The following CHRNE variants were observed in gnomAD, a reference collection of about 807,000 sequenced individuals.
The protein encoded by CHRNE is acetylcholine receptor subunit epsilon.
A neutral mutation model predicts 56.5 loss-of-function variants in CHRNE; 58 were observed. That is an observed-to-expected ratio of 1.03 (90% CI 0.83 to 1.28). CHRNE has a LOEUF of 1.28. Ranked by LOEUF, CHRNE falls within the 50% of genes most tolerant of loss-of-function variation. CHRNE has a pLI of 0.00. For missense variants in CHRNE, 793 were observed against 688.9 expected (o/e 1.15, Z -1.69); for synonymous variants, 385 against 297.9 (o/e 1.29, Z -3.01).
rs1226552673 is a variant in CHRNE, at chr17:4,901,101, T to C, written c.691A>G (p.Ile231Val). ...ATDGPGETDV[I>V]YSLIIRRKPL... ...TTCCGGCGGATGATGAGCGAGTAGA[T>C]GACGTCAGTCTCCCCTGGGCCGTCG... Residue 231 changes from isoleucine to valine, a missense_variant, in exon 7 of 12, where the codon ATC (isoleucine) becomes GTC (valine). Ile to Val is a conservative substitution (Grantham distance 29). Coordinates refer to ENST00000649488, the MANE Select transcript of CHRNE (RefSeq NM_000080.4). The C allele has an allele frequency of 5.6e-6, 9 of 1,613,440 alleles. No individual in the cohort carries two copies. Among genetic ancestry groups the C allele is most frequent in the African/African-American group, 1.3e-5 (1 of 74,888 alleles).
intron 1 of CHRNE, among the ~76,000 whole-genome samples, chr17:4,908,465 AAGCT>A (rs1970117152): frequency 8.0e-6 from 1 of 124,342 alleles, no homozygotes; most frequent in African/African-American, 3.1e-5. Flanking sequence ...GCTGGGAGCA[AAGCT>A]CAGCCACCGT....
In CHRNE at chr17:4,901,133, C is replaced by G. The variant is rs1367983564; in HGVS notation, c.659G>C (p.Gly220Ala). 3 of 1,612,508 alleles carry G rather than the reference C, an allele frequency of 1.9e-6. No individual in the cohort carries two copies. Among genetic ancestry groups the G allele is most frequent in the Non-Finnish European group, 2.5e-6 (3 of 1,179,944 alleles). The change falls in exon 7 of 12, where the codon GGC (glycine) becomes GCC (alanine). Residue 220 changes from glycine to alanine, a missense_variant. By Grantham distance (60) the Gly-to-Ala change is moderately conservative. Coordinates refer to ENST00000649488, the MANE Select transcript of CHRNE (RefSeq NM_000080.4). ...AGTCTCCCCTGGGCCGTCGGTGGCG[C>G]CACCGTGGTGGCGGCGGATCACCCC... ...CPGVIRRHHG[G>A]ATDGPGETDV...
In CHRNE at chr17:4,902,979, C is replaced by G. The variant is rs371955602; in HGVS notation, c.46+39G>C. 1.9e-5 allele frequency: 31 copies of G among 1,613,430 alleles called. No individual in the cohort carries two copies. Among genetic ancestry groups the G allele is most frequent in the Non-Finnish European group, 2.4e-5 (28 of 1,179,422 alleles). On this transcript the variant is annotated intron_variant, in intron 1 of 11. Coordinates refer to ENST00000649488, the MANE Select transcript of CHRNE (RefSeq NM_000080.4). The surrounding 1 kb of genome is among the most constrained non-coding windows in gnomAD (Gnocchi z 4.0). The stretch of plus-strand genomic sequence containing the variant: ...CTTCCCAGTCCCTTCATGTCAGTAT[C>G]TGTGTGTGTCCAATTGCCCCTCTAG...
chr17:4,905,358 G>A (rs998379713), upstream of CHRNE, among the ~76,000 whole-genome samples: 2 of 151,292 alleles, frequency 1.3e-5, no homozygotes. Flanking sequence ...AGACCAGCCT[G>A]GGCAACACAG....
At position 4,901,994 on chromosome 17, in the gene CHRNE, G is replaced by A. The variant is rs776429372; in HGVS notation, c.438C>T (p.Ser146=). The A allele has an allele frequency of 1.9e-6, 3 of 1,614,048 alleles. No individual in the cohort carries two copies. Among genetic ancestry groups the A allele is most frequent in the Non-Finnish European group, 2.5e-6 (3 of 1,180,014 alleles). ...AGTAGGTGACCTCCACTGCGCAGACGCTGCGGTAGATGGCCGGAGGCAGCC... is the reference window on the plus strand; with the variant it reads ...AGTAGGTGACCTCCACTGCGCAGACACTGCGGTAGATGGCCGGAGGCAGCC... ...VTWLPPAIYR[S]VCAVEVTYFP... Residue 146 remains serine, a synonymous_variant, in exon 5 of 12, where the codon AGC becomes AGT. Transcript: ENST00000649488.
At position 4,897,936 on chromosome 17, in the gene CHRNE, C is replaced by T. The variant is rs1969744510; in HGVS notation, c.*800G>A. The T allele has an allele frequency of 6.6e-6, 1 of 152,168 alleles. No homozygotes were observed. The highest frequency in any genetic ancestry group is 2.4e-5 in the African/African-American group (1 of 41,180). The allele number at this position is 152,168 out of a possible 1,614,324, so 9.4% of individuals were successfully genotyped here. A position where few individuals can be genotyped will look rare whatever the true frequency, so the allele number is the denominator to read the frequency against. On this transcript the variant is annotated 3_prime_UTR_variant, in exon 12 of 12. Transcript: ENST00000649488. ...GCAGGGAGCCCTCACTCTCCACGCCCCTTGCTTGCATCTGTATATAGTGTG... is the reference window on the plus strand; with the variant it reads ...GCAGGGAGCCCTCACTCTCCACGCCTCTTGCTTGCATCTGTATATAGTGTG...
In CHRNE at chr17:4,898,439, T is replaced by G. The variant is rs531149063; in HGVS notation, c.*297A>C. On this transcript the variant is annotated 3_prime_UTR_variant, in exon 12 of 12. Coordinates refer to ENST00000649488, the MANE Select transcript of CHRNE (RefSeq NM_000080.4). ...GCTCACAAGCTGGCAGCCACCAGAG[T>G]CCCGTGGGGCTGAGCCTTAGAAAGG... The G allele has an allele frequency of 4.1e-6, 2 of 488,896 alleles. No individual in the cohort carries two copies. The highest frequency in any genetic ancestry group is 7.5e-6 in the Non-Finnish European group (2 of 266,682). The allele number at this position is 488,896 out of a possible 1,614,324, so 30.3% of individuals were successfully genotyped here.
upstream of CHRNE, among the ~76,000 whole-genome samples, chr17:4,904,111 C>G (rs2151099858): frequency 6.6e-6 from 1 of 152,292 alleles, no homozygotes; most frequent in East Asian, 1.9e-4. Context: ...CCTACCTGGG[C>G]CTCCCAAAGT....
Position 4,901,964 on chromosome 17 carries a change from G to A in CHRNE, c.468C>T (p.Pro156=), listed in dbSNP as rs751830305. ...SVCAVEVTYF[P]FDWQNCSLIF... is the part of the protein sequence containing the mutation. ...TAAGCGAACAGTTCTGCCAATCGAA[G>A]GGGAAGTAGGTGACCTCCACTGCGC... The change falls in exon 5 of 12, where the codon CCC becomes CCT. Residue 156 remains proline, a synonymous_variant. Transcript: ENST00000649488. The A allele has an allele frequency of 2.5e-6, 4 of 1,613,640 alleles. No homozygotes were observed. The South Asian group carries it at 3.3e-5, about 13-fold the overall frequency.
Position 4,898,711 on chromosome 17 carries a change from G to C in CHRNE, c.*25C>G, listed in dbSNP as rs557192611. 1 of 1,603,982 alleles carries C rather than the reference G, an allele frequency of 6.2e-7. No individual in the cohort carries two copies. Among genetic ancestry groups the C allele is most frequent in the Non-Finnish European group, 8.5e-7 (1 of 1,176,040 alleles). ...CAAAATCAATTTCCTACTGGAGATGGGTGGGAAATTGAAGTCGGTGCGAGC... is the reference window on the plus strand; with the variant it reads ...CAAAATCAATTTCCTACTGGAGATGCGTGGGAAATTGAAGTCGGTGCGAGC... On this transcript the variant is annotated 3_prime_UTR_variant, in exon 12 of 12. Transcript: ENST00000649488.
Position 4,899,068 on chromosome 17 carries a change from A to C in CHRNE, c.1259T>G (p.Val420Gly). 1 of 1,611,654 alleles carries C rather than the reference A, an allele frequency of 6.2e-7. No homozygotes were observed. Among genetic ancestry groups the C allele is most frequent in the South Asian group, 1.1e-5 (1 of 90,822 alleles). The change falls in exon 11 of 12, where the codon GTC becomes GGC. Residue 420 changes from valine (V) to glycine (G), a missense_variant. Physicochemically the swap from Val to Gly is moderately radical, Grantham distance 109. Transcript: ENST00000649488. ...CQSLGAAAPE[V>G]RCCVDAVNFV... ...GTTCACGGCATCCACACAGCAGCGG[A>C]CCTCGGGGGCGGCGGCGCCCAGGCT...
At chr17:4,901,379 C>T (rs1969979672) in intron 6 of CHRNE, 146 bp downstream of exon 6, 1 of 950,358 alleles carries the variant, frequency 1.1e-6, no homozygotes, top group Admixed American at 2.0e-5. Context: ...GAGTAACAAT[C>T]GAGAATGATT....
At position 4,900,922 on chromosome 17, in the gene CHRNE, A is replaced by T; in HGVS notation, c.803-15T>A. 6.2e-7 allele frequency: 1 copy of T among 1,614,126 alleles called. No individual in the cohort carries two copies. The highest frequency in any genetic ancestry group is 8.5e-7 in the Non-Finnish European group (1 of 1,179,972). The stretch of plus-strand genomic sequence containing the variant: ...CTGGCCGCCGGCTGGAGGGAGAGCC[A>T]GTGAGAGCGGGCCCCGCCTCCCGGG... On this transcript the variant is annotated splice_polypyrimidine_tract_variant and intron_variant, in intron 7 of 11. Transcript: ENST00000649488.
chr17:4,901,573 C>T lies in CHRNE; in HGVS notation c.553G>A (p.Asp185Asn). The T allele has an allele frequency of 6.2e-7, 1 of 1,614,156 alleles. No homozygotes were observed. The highest frequency in any genetic ancestry group is 8.5e-7 in the Non-Finnish European group (1 of 1,180,024). The change falls in exon 6 of 12, where the codon GAC becomes AAC. Residue 185 changes from aspartate (D) to asparagine (N), a missense_variant. Coordinates refer to ENST00000649488, the MANE Select transcript of CHRNE (RefSeq NM_000080.4). Reference sequence around the variant, plus strand: ...TCGATCTTGTTGATGGTCTTGCCGTCGTTGTCTACGGCAAAAGTGAACTCC... The same window carrying T: ...TCGATCTTGTTGATGGTCTTGCCGTTGTTGTCTACGGCAAAAGTGAACTCC... ...EVEFTFAVDN[D>N]GKTINKIDID...
Position 4,898,206 on chromosome 17 carries a change from A to G in CHRNE, c.*530T>C. The G allele has an allele frequency of 5.2e-6, 1 of 190,938 alleles. No individual in the cohort carries two copies. Among genetic ancestry groups the G allele is most frequent in the South Asian group, 9.0e-5 (1 of 11,142 alleles). 11.8% of individuals were successfully genotyped at this position (190,938 alleles called of 1,614,324 possible). A position where few individuals can be genotyped will look rare whatever the true frequency, so the allele number is the denominator to read the frequency against. Reference sequence around the variant, plus strand: ...GGATGGGCAGTGCTGGGCCAAGAAAACCTAGAAGAAATGACTGTGGAAGGG... The same window carrying G: ...GGATGGGCAGTGCTGGGCCAAGAAAGCCTAGAAGAAATGACTGTGGAAGGG... On this transcript the variant is annotated 3_prime_UTR_variant, in exon 12 of 12. Coordinates refer to ENST00000649488, the MANE Select transcript of CHRNE (RefSeq NM_000080.4).
rs1274833234 is a variant in CHRNE, at chr17:4,902,319, T to A, written c.242A>T (p.Gln81Leu). The A allele has an allele frequency of 6.2e-7, 1 of 1,614,162 alleles. No individual in the cohort carries two copies. The change falls in exon 4 of 12, where the codon CAG (glutamine) becomes CTG (leucine). Residue 81 changes from glutamine (Q) to leucine (L), a missense_variant. Coordinates refer to ENST00000649488, the MANE Select transcript of CHRNE (RefSeq NM_000080.4). The surrounding 1 kb of genome is among the most constrained non-coding windows in gnomAD (Gnocchi z 4.0). Reference sequence around the variant, plus strand: ...CTTGCTGTAGTTGAGTCGGTAATCCTGCCAATCCTAAGGGGTGGGGGATGG... The same window carrying A: ...CTTGCTGTAGTTGAGTCGGTAATCCAGCCAATCCTAAGGGGTGGGGGATGG... ...TTSVWIGIDW[Q>L]DYRLNYSKDD... is the part of the protein sequence containing the mutation.
At chr17:4,908,125 C>G (rs187908422) in intron 1 of CHRNE, among the ~76,000 whole-genome samples, 1 of 152,238 alleles carries the variant, frequency 6.6e-6, no homozygotes, top group Non-Finnish European at 1.5e-5. Flanking sequence ...GAGCCTAGAT[C>G]GTGCCATTGC....
chr17:4,900,613 G>C, intron 8 of CHRNE, 180 bp downstream of exon 8: 1 of 1,524,290 alleles, frequency 6.6e-7, no homozygotes, highest in Non-Finnish European at 8.9e-7. Flanking sequence ...TCCAGGTGAC[G>C]TCCAGCAGCA....
intron 8 of CHRNE, chr17:4,900,257 G>T: frequency 6.5e-7 from 1 of 1,546,652 alleles, no homozygotes. Flanking sequence ...TGTGGCTGCA[G>T]CAGGAGGCGC....
Sources: gnomAD v4.1 joint callset for allele counts (sites outside exome capture counted in the v4.1 genomes callset) on GRCh38, gnomAD v4.1.1 for gene constraint, Gnocchi (gnomAD v3.1) non-coding constraint, MANE v1.5 for transcripts, NCBI Gene and HGNC (gene_info 2026-07-23, HGNC 2026-07-21) for gene names.